PTPN21: variants seen among roughly 807,000 people sequenced by gnomAD.
PTPN21 encodes the protein protein tyrosine phosphatase non-receptor type 21.
Under a neutral mutation model 131.8 loss-of-function variants are expected in PTPN21, and 77 were observed. The observed-to-expected ratio is 0.58, with a 90% CI of 0.49 to 0.71. The LOEUF is 0.71. Ranked by LOEUF, PTPN21 falls within the 30% of genes least tolerant of loss-of-function variation. The pLI, the probability that PTPN21 is intolerant of heterozygous loss-of-function variation, is 0.00. For synonymous variants in PTPN21, 715 were observed against 621.3 expected (o/e 1.15, Z -2.24); for missense variants, 1,552 against 1,527.1 (o/e 1.02, Z -0.27).
intron 3 of PTPN21, among the ~76,000 whole-genome samples, chr14:88,516,319 T>C (rs2078268837): frequency 6.6e-6 from 1 of 151,978 alleles, no homozygotes; most frequent in Admixed American, 6.5e-5. Context: ...GAGAGAAAGA[T>C]CTAGGACACA....
Position 88,480,078 on chromosome 14 carries a change from A to G in PTPN21, c.1353T>C (p.Tyr451=). Residue 451 remains tyrosine (Y), a synonymous_variant, in exon 13 of 19, where the codon TAT becomes TAC. Coordinates refer to ENST00000556564, the MANE Select transcript of PTPN21 (RefSeq NM_007039.4). The stretch of plus-strand genomic sequence containing the variant: ...TGTTGAGCTGCTTCATCACAGTCTC[A>G]TAGTCTGGGGTGGGGCGGTAGGACG... ...IPPSYRPTPD[Y]ETVMKQLNRG... 1 of 1,613,974 alleles carries G rather than the reference A, an allele frequency of 6.2e-7. No homozygotes were observed. Among genetic ancestry groups the G allele is most frequent in the South Asian group, 1.1e-5 (1 of 91,082 alleles).
intron 2 of PTPN21, among the ~76,000 whole-genome samples, chr14:88,533,232 G>GTTAT (rs1426688812): frequency 1.3e-5 from 2 of 152,148 alleles, no homozygotes; most frequent in Non-Finnish European, 2.9e-5. Context: ...GGTACCTGCT[G>GTTAT]TTATTTGTTT....
intron 10 of PTPN21, among the ~76,000 whole-genome samples, chr14:88,489,701 T>A (rs1312487962): frequency 6.6e-6 from 1 of 152,188 alleles, no homozygotes; most frequent in East Asian, 1.9e-4. Flanking sequence ...ACCTAGCAAA[T>A]GTTTGTCTCA....
chr14:88,528,370 G>A (rs536308696), intron 2 of PTPN21, among the ~76,000 whole-genome samples: 1 of 152,216 alleles, frequency 6.6e-6, no homozygotes, highest in African/African-American at 2.4e-5. Flanking sequence ...TCACCTCCTT[G>A]GCTGGGTATA....
Position 88,525,157 on chromosome 14 carries a change from T to C in PTPN21, c.181-7896A>G, listed in dbSNP as rs148844473. On this transcript the variant is annotated intron_variant, in intron 2 of 18. Coordinates refer to ENST00000556564, the MANE Select transcript of PTPN21 (RefSeq NM_007039.4). ...CAAGTGGCTGAGGTGGAAGGATCACTTTAACCCCAACAGATCAAGGCTGCA... is the reference window on the plus strand; with the variant it reads ...CAAGTGGCTGAGGTGGAAGGATCACCTTAACCCCAACAGATCAAGGCTGCA... Among the ~76,000 whole-genome samples the C allele has an allele frequency of 4.9e-3, 745 of 151,804 alleles. 6 individuals carry two copies. Among genetic ancestry groups the C allele is most frequent in the South Asian group, 0.017 (84 of 4,806 alleles).
At chr14:88,478,006 G>A (rs1485572062) in intron 13 of PTPN21, among the ~76,000 whole-genome samples, 2 of 152,116 alleles carry the variant, frequency 1.3e-5, no homozygotes, top group African/African-American at 2.4e-5. Flanking sequence ...GGGCTTCTAA[G>A]TATGGGTTTA....
At chr14:88,541,371 G>A (rs1252322945) in intron 2 of PTPN21, among the ~76,000 whole-genome samples, 1 of 152,178 alleles carries the variant, frequency 6.6e-6, no homozygotes, top group Non-Finnish European at 1.5e-5. Context: ...TCGCTAAATT[G>A]GCATACTGTT....
intron 2 of PTPN21, among the ~76,000 whole-genome samples, chr14:88,532,382 T>A (rs1430678256): frequency 4.6e-5 from 7 of 152,094 alleles, no homozygotes; most frequent in Admixed American, 4.6e-4. Flanking sequence ...AGAAAAAAAA[T>A]GAGCCAGAAA....
chr14:88,492,371 T>C (rs1197154550), intron 10 of PTPN21, among the ~76,000 whole-genome samples: 1 of 152,124 alleles, frequency 6.6e-6, no homozygotes, highest in Non-Finnish European at 1.5e-5. Flanking sequence ...CTACTGAATA[T>C]CACCACCAGG....
Position 88,479,222 on chromosome 14 carries a change from G to GC in PTPN21, c.2208dup (p.Pro737AlafsTer117). 2 of 1,601,436 alleles carry GC rather than the reference G, an allele frequency of 1.2e-6. No homozygotes were observed. Among genetic ancestry groups the GC allele is most frequent in the South Asian group, 2.2e-5 (2 of 89,536 alleles). ...CCAGGTGGGTCCTGGGCCAGGCCGG[G>GC]CCGAGGCTCGCGCGCACGTGCAGGA... On this transcript the variant is annotated frameshift_variant, in exon 13 of 19. Transcript: ENST00000556564. LOFTEE classifies it high-confidence loss of function.
At chr14:88,484,050 T>G (rs1309660282) in intron 12 of PTPN21, among the ~76,000 whole-genome samples, 1 of 151,424 alleles carries the variant, frequency 6.6e-6, no homozygotes, top group East Asian at 1.9e-4. Flanking sequence ...CTAAGGTGTT[T>G]TTTTTTTTTT....
chr14:88,510,562 T>C (rs1214758212), intron 3 of PTPN21, among the ~76,000 whole-genome samples: 6 of 151,752 alleles, frequency 4.0e-5, no homozygotes, highest in African/African-American at 1.4e-4. Context: ...CTAGTATTTT[T>C]ATTCATTTAG....
At chr14:88,520,572 T>G (rs758656799) in intron 2 of PTPN21, among the ~76,000 whole-genome samples, 5 of 152,192 alleles carry the variant, frequency 3.3e-5, no homozygotes, top group Non-Finnish European at 2.9e-5. Flanking sequence ...AGAATATGTA[T>G]CATACATTTA....
chr14:88,522,765 T>C (rs1418557673), intron 2 of PTPN21, among the ~76,000 whole-genome samples: 1 of 152,174 alleles, frequency 6.6e-6, no homozygotes, highest in African/African-American at 2.4e-5. Flanking sequence ...TATTGTAACA[T>C]TATAATCCTG....
rs1269824887 is a variant in PTPN21 at position 88,480,200 on chromosome 14, G to C, written c.1231C>G (p.Gln411Glu). The change falls in exon 13 of 19, where the codon CAG becomes GAG. Residue 411 changes from glutamine to glutamate, a missense_variant. Gln to Glu is a conservative substitution (Grantham distance 29, BLOSUM62 2). Transcript: ENST00000556564. The part of the protein sequence containing the change: ...NSLNNPQPYL[Q>E]PSPMSSNPSI... ...GGGTTGGACGACATCGGCGAGGGCT[G>C]CAAGTAGGGCTGAGGATTATTTAAG... 21 of 1,614,088 alleles carry C rather than the reference G, an allele frequency of 1.3e-5. No individual in the cohort carries two copies. Among genetic ancestry groups the C allele is most frequent in the Non-Finnish European group, 1.8e-5 (21 of 1,180,030 alleles).
intron 6 of PTPN21, among the ~76,000 whole-genome samples, chr14:88,502,335 G>A (rs1404396748): frequency 6.6e-6 from 1 of 152,094 alleles, no homozygotes; most frequent in Non-Finnish European, 1.5e-5. Flanking sequence ...TGTGGACCTG[G>A]CCAATCCCTA....
rs2077362059 is a variant in PTPN21, at chr14:88,466,281, TG to T, written c.*1855del. The T allele has an allele frequency of 6.6e-6, 1 of 152,208 alleles. No individual in the cohort carries two copies. The allele number at this position is 152,208 out of a possible 1,614,324, so 9.4% of individuals were successfully genotyped here. A position where few individuals can be genotyped will look rare whatever the true frequency, so the allele number is the denominator to read the frequency against. ...ATTTTTTAATTTTGTAAAATAAAAA[TG>T]TAAAATTTTAATTTTGTTCCTACAT... is the stretch of plus-strand genomic sequence containing the variant. On this transcript the variant is annotated 3_prime_UTR_variant, in exon 19 of 19. Transcript: ENST00000556564.
chr14:88,492,492 C>A (rs1053900879), intron 10 of PTPN21, among the ~76,000 whole-genome samples: 4 of 152,196 alleles, frequency 2.6e-5, no homozygotes, highest in African/African-American at 9.7e-5. Context: ...AATCCCATCA[C>A]CAGACCAGCG....
chr14:88,531,435 T>C (rs1210631627), intron 2 of PTPN21, among the ~76,000 whole-genome samples: 1 of 152,028 alleles, frequency 6.6e-6, no homozygotes, highest in Non-Finnish European at 1.5e-5. Context: ...TGCATGCCTG[T>C]AGTCCCAGCT....
Sources: gnomAD v4.1 joint callset for allele counts (sites outside exome capture counted in the v4.1 genomes callset) on GRCh38, gnomAD v4.1.1 for gene constraint, MANE v1.5 for transcripts, NCBI Gene and HGNC (gene_info 2026-07-23, HGNC 2026-07-21) for gene names.